The following SERPINI1 variants were observed in gnomAD, a reference collection of about 807,000 sequenced individuals.
SERPINI1 encodes the protein neuroserpin.
Under a neutral mutation model 41.1 loss-of-function variants are expected in SERPINI1, and 19 were observed. The ratio of observed to expected loss-of-function variants is 0.46; its 90% CI spans 0.32 to 0.68. The LOEUF (loss-of-function observed/expected upper bound fraction) is 0.68, where lower values mean the gene tolerates loss of function less well. Ranked by LOEUF, SERPINI1 falls within the 30% of genes least tolerant of loss-of-function variation. The pLI is 0.03. For missense variants in SERPINI1, 460 were observed against 479.2 expected (o/e 0.96, Z 0.37); for synonymous variants, 138 against 156.6 (o/e 0.88, Z 0.89).
At chr3:167,804,106 T>C (rs558952874) in intron 5 of SERPINI1, among the ~76,000 whole-genome samples, 2 of 152,318 alleles carry the variant, frequency 1.3e-5, no homozygotes, top group South Asian at 4.1e-4. Context: ...ATGGATACCA[T>C]AGAACAATTC....
At chr3:167,743,676 A>G (rs1725752046) in intron 1 of SERPINI1, among the ~76,000 whole-genome samples, 1 of 152,170 alleles carries the variant, frequency 6.6e-6, no homozygotes. Flanking sequence ...GAATATAACA[A>G]AATATATAAA....
At chr3:167,785,315 C>T (rs1727270932) in intron 1 of SERPINI1, among the ~76,000 whole-genome samples, 1 of 152,090 alleles carries the variant, frequency 6.6e-6, no homozygotes, top group African/African-American at 2.4e-5. Context: ...GGATTAATAC[C>T]TTTTTTCATT....
At chr3:167,810,693 T>C (rs973476751) in intron 6 of SERPINI1, among the ~76,000 whole-genome samples, 1 of 152,166 alleles carries the variant, frequency 6.6e-6, no homozygotes, top group African/African-American at 2.4e-5. Flanking sequence ...GCTGTGGCAA[T>C]TTCTTAAAAT....
chr3:167,749,514 C>T (rs184598624), intron 1 of SERPINI1, among the ~76,000 whole-genome samples: 50 of 152,302 alleles, frequency 3.3e-4, no homozygotes, highest in Admixed American at 7.8e-4. Flanking sequence ...TAAACCCAGT[C>T]TCACTTTAAA....
intron 1 of SERPINI1, among the ~76,000 whole-genome samples, chr3:167,772,594 G>T (rs1476378297): frequency 6.6e-6 from 1 of 151,810 alleles, no homozygotes; most frequent in East Asian, 1.9e-4. Context: ...AGGGCTAATT[G>T]TCTGTATTTT....
intron 1 of SERPINI1, among the ~76,000 whole-genome samples, chr3:167,761,907 G>A (rs1726394190): frequency 1.3e-5 from 2 of 152,058 alleles, no homozygotes; most frequent in African/African-American, 4.8e-5. Context: ...CTAATTCTAA[G>A]CAAAGATGAG....
At chr3:167,739,608 C>T (rs1052256985) in intron 1 of SERPINI1, among the ~76,000 whole-genome samples, 3 of 152,070 alleles carry the variant, frequency 2.0e-5, no homozygotes, top group African/African-American at 7.2e-5. Flanking sequence ...ACAGAAAAAC[C>T]CAGGGCTCAA....
chr3:167,788,816 C>T (rs767158742), intron 1 of SERPINI1, among the ~76,000 whole-genome samples: 1 of 152,178 alleles, frequency 6.6e-6, no homozygotes, highest in Non-Finnish European at 1.5e-5. Flanking sequence ...TAGAGTAAGT[C>T]CATTCAAAGT....
chr3:167,741,922 A>T (rs939703663), intron 1 of SERPINI1, among the ~76,000 whole-genome samples: 2 of 138,410 alleles, frequency 1.4e-5, no homozygotes, highest in African/African-American at 7.0e-5. Flanking sequence ...CGAAACTTTT[A>T]AAAAAATTAT....
rs1289520934 is a variant in SERPINI1, at chr3:167,792,606, G to T, written c.498G>T (p.Leu166Phe). Residue 166 changes from leucine (L) to phenylalanine (F), a missense_variant, in exon 4 of 9, where the codon TTG becomes TTT. Coordinates refer to ENST00000446050, the MANE Select transcript of SERPINI1 (RefSeq NM_001122752.2). The part of the protein sequence containing the change: ...ENNTNNLVKD[L>F]VSPRDFDAAT... Reference sequence around the variant, plus strand: ...CCTAAATAGATCTGGTGAAAGATTTGGTATCCCCAAGGGATTTTGATGCTG... The same window carrying T: ...CCTAAATAGATCTGGTGAAAGATTTTGTATCCCCAAGGGATTTTGATGCTG... The T allele has an allele frequency of 2.5e-6, 4 of 1,613,026 alleles. No individual in the cohort carries two copies. In the South Asian group the frequency reaches 4.4e-5, roughly 18 times the overall value.
chr3:167,817,477 G>A lies in SERPINI1; in HGVS notation c.980-5509G>A, dbSNP rs578114892. 1.6e-4 allele frequency among the ~76,000 whole-genome samples: 24 copies of A among 152,164 alleles called. No individual in the cohort carries two copies. The South Asian group carries it at 5.0e-3, about 32-fold the overall frequency. On this transcript the variant is annotated intron_variant, in intron 6 of 8. Transcript: ENST00000446050. ...ACCTAGAAAACCATCTAGGCTTGGA[G>A]TCTTTAATTTCAAGGATGGAGAAAG...
intron 1 of SERPINI1, among the ~76,000 whole-genome samples, chr3:167,765,043 T>C (rs1726514265): frequency 6.6e-6 from 1 of 152,210 alleles, no homozygotes; most frequent in African/African-American, 2.4e-5. Flanking sequence ...CTTCACAAGC[T>C]AGCATTGAGT....
chr3:167,822,990 TAAG>T lies in SERPINI1; in HGVS notation c.985_987del (p.Lys329del). On this transcript the variant is annotated inframe_deletion, in exon 7 of 9. Transcript: ENST00000446050. Reference sequence around the variant, plus strand: ...TTTCTGATTCTCTTTTTGCAGATAATAAGGAGATTTTTCTTTCCAAAGCAATTC... The same window carrying T: ...TTTCTGATTCTCTTTTTGCAGATAATGAGATTTTTCTTTCCAAAGCAATTC... 6.3e-7 allele frequency: 1 copy of T among 1,588,942 alleles called. No homozygotes were observed. Among genetic ancestry groups the T allele is most frequent in the Non-Finnish European group, 8.6e-7 (1 of 1,157,166 alleles).
chr3:167,768,112 T>C (rs570003480), intron 1 of SERPINI1, among the ~76,000 whole-genome samples: 1 of 152,282 alleles, frequency 6.6e-6, no homozygotes, highest in Admixed American at 6.5e-5. Flanking sequence ...TGAGAGTCCA[T>C]AGATGTGGCA....
chr3:167,821,526 T>G (rs948227932), intron 6 of SERPINI1, among the ~76,000 whole-genome samples: 5 of 152,156 alleles, frequency 3.3e-5, no homozygotes, highest in Non-Finnish European at 7.3e-5. Context: ...CCTGACTGTG[T>G]GCAGCAGACA....
At chr3:167,765,417 T>C (rs1328334318) in intron 1 of SERPINI1, among the ~76,000 whole-genome samples, 1 of 152,178 alleles carries the variant, frequency 6.6e-6, no homozygotes, top group Non-Finnish European at 1.5e-5. Flanking sequence ...CTCTACATTG[T>C]CCCCTTTCAG....
At chr3:167,736,689 CATAAA>C (rs1019906827) in intron 1 of SERPINI1, among the ~76,000 whole-genome samples, 31 of 152,056 alleles carry the variant, frequency 2.0e-4, no homozygotes, top group African/African-American at 7.2e-4. Context: ...CATGTAGTGT[CATAAA>C]ATAATAGTTT....
intron 1 of SERPINI1, 178 bp downstream of exon 1, chr3:167,736,001 T>A (rs1375799687): frequency 6.6e-6 from 1 of 152,180 alleles, no homozygotes; most frequent in African/African-American, 2.4e-5. Context: ...AAAGGAAGCT[T>A]GACTCTGGGT....
intron 6 of SERPINI1, among the ~76,000 whole-genome samples, chr3:167,815,579 G>A (rs779180204): frequency 1.3e-5 from 2 of 151,912 alleles, no homozygotes; most frequent in Non-Finnish European, 2.9e-5. Flanking sequence ...TAGTAGAGAC[G>A]GGGTTTCACC....
Sources: allele counts gnomAD v4.1 joint callset (sites outside exome capture counted in the v4.1 genomes callset), GRCh38; gene constraint gnomAD v4.1.1; transcripts MANE v1.5; gene names NCBI Gene and HGNC (gene_info 2026-07-23, HGNC 2026-07-21).